KIAA1671: variants seen among roughly 807,000 people sequenced by gnomAD.
KIAA1671 encodes the protein uncharacterized protein KIAA1671.
Under a neutral mutation model 131.2 loss-of-function variants are expected in KIAA1671, and 52 were observed. That is an observed-to-expected ratio of 0.40 (90% CI 0.32 to 0.50). The LOEUF (loss-of-function observed/expected upper bound fraction) is 0.50, where lower values mean the gene tolerates loss of function less well. Among genes scored for constraint, KIAA1671 ranks in the 20% least tolerant of loss-of-function variants. The pLI is 0.73. For missense variants in KIAA1671, 2,360 were observed against 2,364.2 expected, an observed-to-expected ratio of 1.00 and a Z score of 0.04; for synonymous variants, 1,003 against 961.6, an observed-to-expected ratio of 1.04 and a Z score of -0.80.
At chr22:25,083,055 G>A (rs1009873179) in intron 6 of KIAA1671, among the ~76,000 whole-genome samples, 2 of 152,152 alleles carry the variant, frequency 1.3e-5, no homozygotes, top group African/African-American at 4.8e-5. Flanking sequence ...ATGTGCTGGT[G>A]TATTAGTTTT....
chr22:25,151,338 A>T lies in KIAA1671; in HGVS notation c.4531-19482A>T, dbSNP rs535475821. 3.1e-4 allele frequency among the ~76,000 whole-genome samples: 46 copies of T among 148,180 alleles called. 1 individual carries two copies. The South Asian group carries it at 6.5e-3, about 21-fold the overall frequency. On this transcript the variant is annotated intron_variant, in intron 6 of 12. Transcript: ENST00000358431. Reference sequence around the variant, plus strand: ...GCATATATAATAAATATATAAATAAATATATATGTATACATATATTTTTGT... The same window carrying T: ...GCATATATAATAAATATATAAATAATTATATATGTATACATATATTTTTGT...
intron 6 of KIAA1671, among the ~76,000 whole-genome samples, chr22:25,093,812 G>T (rs11703386): frequency 0.013 from 400 of 30,916 alleles, 27 homozygotes; most frequent in African/African-American, 0.038. Flanking sequence ...CTCTCTCTCT[G>T]TCTCTCTCTC....
chr22:24,961,188 C>T (rs376071229), intron 1 of KIAA1671, among the ~76,000 whole-genome samples: 21 of 151,976 alleles, frequency 1.4e-4, no homozygotes, highest in East Asian at 7.8e-4. Flanking sequence ...TTTGTAGAGA[C>T]GAGATTTTGC....
intron 1 of KIAA1671, among the ~76,000 whole-genome samples, chr22:25,020,976 G>A (rs1447444877): frequency 2.6e-5 from 4 of 152,170 alleles, no homozygotes; most frequent in Non-Finnish European, 5.9e-5. Context: ...TGACATCCTG[G>A]CGCTTGCACG....
chr22:25,075,206 G>A (rs1342854168), intron 6 of KIAA1671, among the ~76,000 whole-genome samples: 1 of 152,104 alleles, frequency 6.6e-6, no homozygotes. Context: ...CTGAGGACAG[G>A]GGTGCTACTG....
At chr22:25,050,195 C>T (rs1173892605) in intron 6 of KIAA1671, 1 of 152,304 alleles carries the variant, frequency 6.6e-6, no homozygotes, top group East Asian at 1.9e-4. Context: ...TGTTTCCTTA[C>T]TTGTGAAAGG....
chr22:25,174,612 C>A, intron 8 of KIAA1671, 123 bp downstream of exon 8: 2 of 1,128,362 alleles, frequency 1.8e-6, no homozygotes, highest in Admixed American at 2.9e-5. Flanking sequence ...AGGGCACTGT[C>A]TTTGAAATGG....
At chr22:25,047,171 G>A (rs1187459668) in intron 5 of KIAA1671, among the ~76,000 whole-genome samples, 3 of 134,906 alleles carry the variant, frequency 2.2e-5, no homozygotes, top group South Asian at 4.7e-4. Context: ...TTTTTTTTGA[G>A]ACAGAGTCTT....
At chr22:25,181,522 AAGAG>A (rs1197001443) in intron 9 of KIAA1671, among the ~76,000 whole-genome samples, 173 bp from the exon 10 acceptor site, 1 of 152,172 alleles carries the variant, frequency 6.6e-6, no homozygotes, top group African/African-American at 2.4e-5. Flanking sequence ...GAGTTGTGAG[AAGAG>A]AGAGCATGAA....
At chr22:25,142,892 G>A (rs1932826620) in intron 6 of KIAA1671, among the ~76,000 whole-genome samples, 3 of 152,112 alleles carry the variant, frequency 2.0e-5, no homozygotes, top group Admixed American at 2.0e-4. Context: ...AATAAACCAG[G>A]TGAATGAATC....
At position 25,028,646 on chromosome 22, in the gene KIAA1671, A is replaced by G. The variant is rs1926098767; in HGVS notation, c.647A>G (p.His216Arg). ...PVPQEEAGQD[H>R]PPSKASSVED... ...CCCCAAGAGGAGGCAGGCCAAGACC[A>G]TCCTCCCTCAAAGGCCAGCAGTGTG... The change falls in exon 3 of 13, where the codon CAT (histidine) becomes CGT (arginine). Residue 216 changes from histidine (H) to arginine (R), a missense_variant. Coordinates refer to ENST00000358431, the MANE Select transcript of KIAA1671 (RefSeq NM_001145206.2). 1.3e-6 allele frequency: 2 copies of G among 1,549,416 alleles called. No homozygotes were observed. Among genetic ancestry groups the G allele is most frequent in the Non-Finnish European group, 8.7e-7 (1 of 1,146,512 alleles).
At chr22:25,071,680 G>T (rs533175298) in intron 6 of KIAA1671, among the ~76,000 whole-genome samples, 3 of 152,118 alleles carry the variant, frequency 2.0e-5, no homozygotes, top group African/African-American at 7.2e-5. Flanking sequence ...TGGGCTCTGG[G>T]CTCCATGCTG....
intron 6 of KIAA1671, among the ~76,000 whole-genome samples, chr22:25,093,810 CTG>C (rs56158428): frequency 0.011 from 1,170 of 110,862 alleles, 112 homozygotes; most frequent in East Asian, 0.025. Context: ...CTCTCTCTCT[CTG>C]TCTCTCTCTC....
At position 24,996,592 on chromosome 22, in the gene KIAA1671, G is replaced by T. The variant is rs115008108; in HGVS notation, c.-207-29041G>T. Among the ~76,000 whole-genome samples, 688 of 152,128 alleles carry T rather than the reference G, an allele frequency of 4.5e-3. 7 individuals are homozygous for T. Among genetic ancestry groups the T allele is most frequent in the African/African-American group, 0.016 (646 of 41,516 alleles). On this transcript the variant is annotated intron_variant, in intron 1 of 12. Coordinates refer to ENST00000358431, the MANE Select transcript of KIAA1671 (RefSeq NM_001145206.2). ...TTTGAGTTGTGACTCATGCATCCCC[G>T]AGAGAGGGAGACAGGATAATAGGGC...
At chr22:25,128,289 G>T (rs1156572731) in intron 6 of KIAA1671, among the ~76,000 whole-genome samples, 1 of 152,140 alleles carries the variant, frequency 6.6e-6, no homozygotes, top group Non-Finnish European at 1.5e-5. Flanking sequence ...GTTTCTTCAT[G>T]TTCATAAAAA....
chr22:24,982,609 T>G (rs557865644), intron 1 of KIAA1671, among the ~76,000 whole-genome samples: 10 of 152,278 alleles, frequency 6.6e-5, no homozygotes, highest in African/African-American at 2.2e-4. Context: ...GTCACTGGCA[T>G]TTGCCCTGTG....
At chr22:25,070,320 G>A (rs1208051717) in intron 6 of KIAA1671, 3 of 424,296 alleles carry the variant, frequency 7.1e-6, no homozygotes, top group Non-Finnish European at 1.3e-5. Context: ...CTAGAGGAAA[G>A]CTGGAAACCG....
rs1156371700 is a variant in KIAA1671, at chr22:25,036,433, T to C, written c.1630-2327T>C. On this transcript the variant is annotated intron_variant, in intron 4 of 12. Coordinates refer to ENST00000358431, the MANE Select transcript of KIAA1671 (RefSeq NM_001145206.2). ...TACACATAACATAAAATATATCATTTTAACTATTTTTAAAGAAAAATAATG... is the reference window on the plus strand; with the variant it reads ...TACACATAACATAAAATATATCATTCTAACTATTTTTAAAGAAAAATAATG... Among the ~76,000 whole-genome samples, 5 of 152,160 alleles carry C rather than the reference T, an allele frequency of 3.3e-5. No individual in the cohort carries two copies. In the East Asian group the frequency reaches 9.6e-4, roughly 29 times the overall value.
At chr22:25,083,506 A>G (rs113627827) in intron 6 of KIAA1671, among the ~76,000 whole-genome samples, 259 of 152,312 alleles carry the variant, frequency 1.7e-3, no homozygotes, top group African/African-American at 6.1e-3. Context: ...TATCCTCACA[A>G]CAGTCTTAGA....
Sources: gnomAD v4.1 joint callset for allele counts (sites outside exome capture counted in the v4.1 genomes callset) on GRCh38, gnomAD v4.1.1 for gene constraint, MANE v1.5 for transcripts, NCBI Gene and HGNC (gene_info 2026-07-23, HGNC 2026-07-21) for gene names.